RBFOX1: variants seen among roughly 807,000 people sequenced by gnomAD.
RBFOX1 encodes the protein RNA binding protein fox-1 homolog 1.
In RBFOX1, 8 loss-of-function variants were observed where a neutral mutation model predicts 57.7. The observed-to-expected ratio is 0.14, with a 90% CI of 0.08 to 0.25. The LOEUF is 0.25. Among genes scored for constraint, RBFOX1 ranks in the 10% least tolerant of loss-of-function variants. The pLI, the probability that RBFOX1 is intolerant of heterozygous loss-of-function variation, is 1.00. For synonymous variants in RBFOX1, 326 were observed against 222.4 expected, an observed-to-expected ratio of 1.47 and a Z score of -4.15; for missense variants, 611 against 548.5, an observed-to-expected ratio of 1.11 and a Z score of -1.14.
intron 3 of RBFOX1, among the ~76,000 whole-genome samples, chr16:6,973,828 T>C (rs917777773): frequency 6.6e-6 from 1 of 152,166 alleles, no homozygotes; most frequent in East Asian, 1.9e-4. Context: ...TGTAGGTTTG[T>C]TAAACAGGTA....
chr16:6,068,031 A>G lies in RBFOX1; in HGVS notation c.-127+48039A>G, dbSNP rs979435151. On this transcript the variant is annotated intron_variant, in intron 1 of 15. Transcript: ENST00000550418. The stretch of plus-strand genomic sequence containing the variant: ...TATCAATATGACCAAGATTTCCTCG[A>G]TTTTCTTTTATTCTCAGAGTTCTGT... 7.9e-5 allele frequency among the ~76,000 whole-genome samples: 12 copies of G among 151,986 alleles called. No homozygotes were observed. In the South Asian group the frequency reaches 1.9e-3, roughly 24 times the overall value.
At chr16:5,422,571 GA>G (rs1386975652) in intron 1 of RBFOX1, among the ~76,000 whole-genome samples, 1 of 96,092 alleles carries the variant, frequency 1.0e-5, no homozygotes, top group African/African-American at 4.2e-5. Context: ...AGGGGAGGAG[GA>G]GGGGGAGAGG....
At chr16:7,157,102 C>G (rs560840845) in intron 4 of RBFOX1, among the ~76,000 whole-genome samples, 4 of 152,160 alleles carry the variant, frequency 2.6e-5, no homozygotes, top group African/African-American at 9.7e-5. Context: ...CACTTCCATG[C>G]TATTGAGTGT....
intron 1 of RBFOX1, among the ~76,000 whole-genome samples, chr16:5,300,159 G>A (rs1039664524): frequency 6.6e-6 from 1 of 151,768 alleles, no homozygotes; most frequent in Non-Finnish European, 1.5e-5. Flanking sequence ...ATCTCATTTG[G>A]TCATATTGTA....
intron 2 of RBFOX1, among the ~76,000 whole-genome samples, chr16:6,433,091 A>G (rs958687173): frequency 6.6e-6 from 1 of 152,190 alleles, no homozygotes; most frequent in African/African-American, 2.4e-5. Flanking sequence ...AAGTCAGGGG[A>G]GAAAGTCAGG....
Position 7,579,842 on chromosome 16 carries a change from C to T in RBFOX1, c.336C>T (p.Asn112=). 6.2e-7 allele frequency: 1 copy of T among 1,614,084 alleles called. No individual in the cohort carries two copies. The highest frequency in any genetic ancestry group is 8.5e-7 in the Non-Finnish European group (1 of 1,179,962). The change falls in exon 6 of 16, where the codon AAC becomes AAT. Residue 112 remains asparagine (N), a synonymous_variant. Transcript: ENST00000550418. The part of the protein sequence containing the change: ...PQTQPSENTE[N]KSQPKRLHVS... ...CACAACCTTCTGAAAACACGGAAAA[C>T]AAGTCTCAGCCCAAGCGGCTGCATG...
At chr16:7,652,460 T>C (rs1202460341) in intron 11 of RBFOX1, among the ~76,000 whole-genome samples, 1 of 152,252 alleles carries the variant, frequency 6.6e-6, no homozygotes, top group Admixed American at 6.5e-5. Flanking sequence ...CAGGCTGGAA[T>C]GCAGTGGTGC....
At chr16:6,431,978 T>C (rs530377089) in intron 2 of RBFOX1, among the ~76,000 whole-genome samples, 1 of 150,748 alleles carries the variant, frequency 6.6e-6, no homozygotes, top group East Asian at 2.0e-4. Flanking sequence ...TTTTTTGAAA[T>C]AGAGACAGGG....
At chr16:5,991,476 G>A (rs2060395438) in intron 4 of RBFOX1, among the ~76,000 whole-genome samples, 1 of 152,068 alleles carries the variant, frequency 6.6e-6, no homozygotes, top group Non-Finnish European at 1.5e-5. Context: ...AGTTTGTTTG[G>A]ATTAATATCT....
chr16:7,433,364 T>C (rs1310686230), intron 4 of RBFOX1, among the ~76,000 whole-genome samples: 1 of 152,234 alleles, frequency 6.6e-6, no homozygotes, highest in African/African-American at 2.4e-5. Flanking sequence ...TCACTGATAC[T>C]TTTTCTCCTC....
chr16:6,945,904 A>T (rs908587107), intron 3 of RBFOX1, among the ~76,000 whole-genome samples: 2 of 152,138 alleles, frequency 1.3e-5, no homozygotes, highest in South Asian at 4.1e-4. Context: ...ACAAAAAAGG[A>T]ATCTGCTGGT....
At chr16:7,273,252 T>C (rs9923120) in intron 4 of RBFOX1, among the ~76,000 whole-genome samples, 29,659 of 95,740 alleles carry the variant, frequency 0.31, 6,549 homozygotes, top group African/African-American at 0.6. Context: ...CTTCCTTCCT[T>C]CCTTCCTTCC....
At chr16:7,528,991 G>A (rs553335507) in intron 5 of RBFOX1, among the ~76,000 whole-genome samples, 21 of 152,158 alleles carry the variant, frequency 1.4e-4, no homozygotes, top group Non-Finnish European at 2.5e-4. Flanking sequence ...AGGCACAGTG[G>A]CTCACATCTG....
intron 1 of RBFOX1, among the ~76,000 whole-genome samples, chr16:6,244,188 A>AT (rs796777268): frequency 0.02 from 2,838 of 144,090 alleles, 38 homozygotes; most frequent in African/African-American, 0.039. Flanking sequence ...CACTGTCAAC[A>AT]TTTTTTTTTT....
chr16:5,665,466 C>T (rs139005722), intron 3 of RBFOX1, among the ~76,000 whole-genome samples: 29 of 150,540 alleles, frequency 1.9e-4, no homozygotes, highest in Middle Eastern at 3.5e-3. Context: ...GTAGTTCTCC[C>T]CACATACCAC....
At chr16:6,269,257 A>T (rs1160004810) in intron 1 of RBFOX1, among the ~76,000 whole-genome samples, 7 of 152,068 alleles carry the variant, frequency 4.6e-5, no homozygotes, top group African/African-American at 1.4e-4. Flanking sequence ...CTGTCATTTA[A>T]TTTGTATTAT....
At chr16:6,928,478 C>G (rs1597470144) in intron 3 of RBFOX1, among the ~76,000 whole-genome samples, 1 of 152,262 alleles carries the variant, frequency 6.6e-6, no homozygotes, top group African/African-American at 2.4e-5. Context: ...ACGTTCAACT[C>G]AGAAATAAGA....
At chr16:6,483,493 GC>G (rs2095408414) in intron 2 of RBFOX1, 1 of 1,535,750 alleles carries the variant, frequency 6.5e-7, no homozygotes, top group African/African-American at 1.4e-5. Context: ...GCACTTTGCA[GC>G]CGACAATGAA....
intron 8 of RBFOX1, among the ~76,000 whole-genome samples, chr16:7,596,672 A>G (rs2094717135): frequency 6.6e-6 from 1 of 152,084 alleles, no homozygotes; most frequent in Admixed American, 6.6e-5. Context: ...GTACGCCTGT[A>G]ATTGAGTGTA....
Sources: allele counts gnomAD v4.1 joint callset (sites outside exome capture counted in the v4.1 genomes callset), GRCh38; gene constraint gnomAD v4.1.1; transcripts MANE v1.5; gene names NCBI Gene and HGNC (gene_info 2026-07-23, HGNC 2026-07-21).